Variants in ARHGEF10L observed in about 807,000 individuals in gnomAD.
ARHGEF10L encodes Rho guanine nucleotide exchange factor 10 like.
A neutral mutation model predicts 141.2 loss-of-function variants in ARHGEF10L; 69 were observed. That is an observed-to-expected ratio of 0.49 (90% CI 0.40 to 0.60). The LOEUF (loss-of-function observed/expected upper bound fraction) is 0.60. ARHGEF10L is among the 20% of genes least tolerant of loss of function. ARHGEF10L has a pLI of 0.00. For synonymous variants in ARHGEF10L, 711 were observed against 718.5 expected, an observed-to-expected ratio of 0.99 and a Z score of 0.17; for missense variants, 1,482 against 1,734.3, an observed-to-expected ratio of 0.85 and a Z score of 2.58.
At chr1:17,552,168 T>C (rs1369129513) in intron 1 of ARHGEF10L, among the ~76,000 whole-genome samples, 1 of 151,994 alleles carries the variant, frequency 6.6e-6, no homozygotes, top group Non-Finnish European at 1.5e-5. Context: ...CAGTCCCTGC[T>C]GGGAAGGGCA....
At chr1:17,581,770 G>T (rs2078590707) in intron 2 of ARHGEF10L, among the ~76,000 whole-genome samples, 1 of 151,972 alleles carries the variant, frequency 6.6e-6, no homozygotes, top group Non-Finnish European at 1.5e-5. Flanking sequence ...CTCACTGACG[G>T]GAGTGCTTAT....
At position 17,644,928 on chromosome 1, in the gene ARHGEF10L, A is replaced by G. The variant is rs755238229; in HGVS notation, c.2273-3626A>G. Among the ~76,000 whole-genome samples, 5 of 152,122 alleles carry G rather than the reference A, an allele frequency of 3.3e-5. No individual in the cohort carries two copies. Among genetic ancestry groups the G allele is most frequent in the Non-Finnish European group, 7.4e-5 (5 of 68,022 alleles). On this transcript the variant is annotated intron_variant, in intron 21 of 28. Coordinates refer to ENST00000361221, the MANE Select transcript of ARHGEF10L (RefSeq NM_018125.4). The surrounding 1 kb of genome is among the most constrained non-coding windows in gnomAD (Gnocchi z 4.5). ...CGTTCCTTCCCCCATTTTCTACATGAGGCCACAGGCTCAGAGAGGGTAAGC... is the reference window on the plus strand; with the variant it reads ...CGTTCCTTCCCCCATTTTCTACATGGGGCCACAGGCTCAGAGAGGGTAAGC...
intron 26 of ARHGEF10L, among the ~76,000 whole-genome samples, chr1:17,678,417 GTTTT>G (rs397863291): frequency 7.5e-6 from 1 of 132,996 alleles, no homozygotes; most frequent in African/African-American, 2.9e-5. Context: ...AGATTTCAGG[GTTTT>G]TTTTTTTTTT....
chr1:17,549,752 A>G (rs984364393), intron 1 of ARHGEF10L, among the ~76,000 whole-genome samples: 4 of 152,212 alleles, frequency 2.6e-5, no homozygotes, highest in African/African-American at 9.7e-5. Context: ...ACCTTTACTA[A>G]TGAAATATAG....
At chr1:17,532,696 GCT>G in the ARHGEF10L span, among the ~76,000 whole-genome samples, 1 of 150,778 alleles carries the variant, frequency 6.6e-6, no homozygotes, top group Non-Finnish European at 1.5e-5. Context: ...CCAGGTTCAA[GCT>G]ATTCTCCTGC....
Position 17,603,542 on chromosome 1 carries a change from T to A in ARHGEF10L, c.384T>A (p.Asp128Glu). ...TCACTTTCCCCGCCCTGGAAGAGGA[T>A]GTGATTTATGACGACGTCCCCTGCG... ...DRFTFPALEE[D>E]VIYDDVPCES... The change falls in exon 6 of 29, where the codon GAT becomes GAA. Residue 128 changes from aspartate (D) to glutamate (E), a missense_variant. By Grantham distance (45) the Asp-to-Glu change is conservative. Transcript: ENST00000361221. This position sits in a 1 kb window ranked among gnomAD's most constrained non-coding sequence, Gnocchi z 4.8. 1.2e-6 allele frequency: 2 copies of A among 1,613,686 alleles called. No homozygotes were observed. The highest frequency in any genetic ancestry group is 8.5e-7 in the Non-Finnish European group (1 of 1,179,790).
chr1:17,613,189 T>C lies in ARHGEF10L; in HGVS notation c.726+15T>C, dbSNP rs371669938. 2 of 1,602,160 alleles carry C rather than the reference T, an allele frequency of 1.2e-6. No homozygotes were observed. On this transcript the variant is annotated intron_variant, in intron 8 of 28. Coordinates refer to ENST00000361221, the MANE Select transcript of ARHGEF10L (RefSeq NM_018125.4). ...ACGATTGTAAGGTATTGTCTGTCTGTCCCCTCAAGCCCTGGATGGGGGCTG... is the reference window on the plus strand; with the variant it reads ...ACGATTGTAAGGTATTGTCTGTCTGCCCCCTCAAGCCCTGGATGGGGGCTG...
intron 4 of ARHGEF10L, among the ~76,000 whole-genome samples, chr1:17,593,479 G>A (rs934404326): frequency 2.6e-5 from 4 of 152,194 alleles, no homozygotes; most frequent in African/African-American, 9.7e-5. Context: ...GGCACCACAA[G>A]GGTTGTGACA....
the ARHGEF10L span, among the ~76,000 whole-genome samples, chr1:17,525,730 C>T: frequency 6.6e-6 from 1 of 151,814 alleles, no homozygotes; most frequent in Non-Finnish European, 1.5e-5. Flanking sequence ...AGGCTGGGTG[C>T]TGTGGCTCAT....
chr1:17,648,440 TG>T (rs1435354086), intron 21 of ARHGEF10L, 113 bp from the exon 22 acceptor site: 4 of 1,358,434 alleles, frequency 2.9e-6, no homozygotes, highest in Non-Finnish European at 4.0e-6. Flanking sequence ...AGTGACTGGA[TG>T]GGGCCAGGCT....
intron 22 of ARHGEF10L, 115 bp downstream of exon 22, chr1:17,648,790 T>C: frequency 2.1e-6 from 3 of 1,397,682 alleles, no homozygotes; most frequent in Non-Finnish European, 2.9e-6. Context: ...AGGTTCCAGC[T>C]GTGGCTTCTA....
chr1:17,517,518 G>C, the ARHGEF10L span, among the ~76,000 whole-genome samples: 2 of 151,730 alleles, frequency 1.3e-5, no homozygotes, highest in Non-Finnish European at 2.9e-5. Flanking sequence ...TCGCCATGTT[G>C]CCCAGGCTGG....
intron 18 of ARHGEF10L, among the ~76,000 whole-genome samples, chr1:17,636,615 G>A (rs2061017384): frequency 1.3e-5 from 2 of 152,054 alleles, no homozygotes; most frequent in African/African-American, 4.8e-5. Context: ...CCCAGTTTGG[G>A]TCACTGCAGA....
At chr1:17,537,635 C>T (rs1254056570), upstream of ARHGEF10L, among the ~76,000 whole-genome samples, 1 of 152,038 alleles carries the variant, frequency 6.6e-6, no homozygotes, top group African/African-American at 2.4e-5. Flanking sequence ...GGTTCTCAGA[C>T]AGGAGGGTAA....
upstream of ARHGEF10L, among the ~76,000 whole-genome samples, chr1:17,538,569 AGC>A: frequency 6.6e-6 from 1 of 151,878 alleles, no homozygotes; most frequent in South Asian, 2.1e-4. Flanking sequence ...ACTGCACTGT[AGC>A]CGTTTGTTTA....
intron 15 of ARHGEF10L, among the ~76,000 whole-genome samples, chr1:17,630,888 G>C (rs763293156): frequency 3.2e-4 from 48 of 152,234 alleles, no homozygotes; most frequent in Non-Finnish European, 5.9e-4. Flanking sequence ...GGGGTGATCT[G>C]TCCTTTTCTC....
At chr1:17,545,971 G>A (rs917951023) in intron 1 of ARHGEF10L, among the ~76,000 whole-genome samples, 13 of 152,188 alleles carry the variant, frequency 8.5e-5, no homozygotes, top group Non-Finnish European at 1.8e-4. Context: ...GAATTATTGA[G>A]AGTTCAGTCT....
intron 2 of ARHGEF10L, among the ~76,000 whole-genome samples, chr1:17,584,228 A>G (rs2078835906): frequency 6.6e-6 from 1 of 152,070 alleles, no homozygotes; most frequent in Non-Finnish European, 1.5e-5. Flanking sequence ...CATTTTTAGT[A>G]GAGACAAGGT....
chr1:17,634,554 C>T lies in ARHGEF10L; in HGVS notation c.1737C>T (p.Ala579=). ...LVCANINFKP[A]NHRGQLEISS... ...TTCTTGTCTTTTTTCCCAGGCCTGC[C>T]AACCACAGGTACGTGGTTCAGGGGG... The change falls in exon 17 of 29, where the codon GCC becomes GCT. Residue 579 remains alanine (A), a synonymous_variant. Coordinates refer to ENST00000361221, the MANE Select transcript of ARHGEF10L (RefSeq NM_018125.4). 2 of 1,614,094 alleles carry T rather than the reference C, an allele frequency of 1.2e-6. No homozygotes were observed. Among genetic ancestry groups the T allele is most frequent in the Non-Finnish European group, 1.7e-6 (2 of 1,179,984 alleles).
Sources: gnomAD v4.1 joint callset for allele counts (sites outside exome capture counted in the v4.1 genomes callset) on GRCh38, gnomAD v4.1.1 for gene constraint, Gnocchi (gnomAD v3.1) non-coding constraint, MANE v1.5 for transcripts, NCBI Gene and HGNC (gene_info 2026-07-23, HGNC 2026-07-21) for gene names.